Variants in IL1RAPL1 observed in about 807,000 individuals in gnomAD.
IL1RAPL1 encodes the protein interleukin 1 receptor accessory protein like 1, also known as interleukin-1 receptor accessory protein-like 1.
A neutral mutation model predicts 48.4 loss-of-function variants in IL1RAPL1; 3 were observed. The ratio of observed to expected loss-of-function variants is 0.06; its 90% CI spans 0.03 to 0.16. The LOEUF (loss-of-function observed/expected upper bound fraction) is 0.16. Among genes scored for constraint, IL1RAPL1 ranks in the 10% least tolerant of loss-of-function variants. The probability of loss-of-function intolerance (pLI) is 1.00; values close to 1 mark genes in which losing one functional copy is unlikely to be tolerated. For synonymous variants in IL1RAPL1, 185 were observed against 187.7 expected (o/e 0.99, Z 0.12); for missense variants, 349 against 530.6 (o/e 0.66, Z 3.36).
intron 2 of IL1RAPL1, among the ~76,000 whole-genome samples, chrX:29,250,129 A>G (rs748106269): frequency 8.9e-6 from 1 of 111,863 alleles, no homozygotes; most frequent in African/African-American, 3.2e-5. Flanking sequence ...ATAGCTGCTA[A>G]TTCAATTCTC....
chrX:29,000,521 A>G (rs1925826505), intron 2 of IL1RAPL1, among the ~76,000 whole-genome samples: 1 of 111,693 alleles, frequency 9.0e-6, no homozygotes, highest in African/African-American at 3.2e-5. Flanking sequence ...AATCAATAAC[A>G]ATTTGCTTAA....
chrX:29,888,226 A>AT lies in IL1RAPL1; in HGVS notation c.779-29223dup, dbSNP rs113492482. Among the ~76,000 whole-genome samples the AT allele has an allele frequency of 1.0e-2, 994 of 99,492 alleles. 21 individuals carry two copies. Among genetic ancestry groups the AT allele is most frequent in the Admixed American group, 0.05 (451 of 9,073 alleles). 86.4% of individuals were successfully genotyped at this position (99,492 alleles called of 115,157 possible). On this transcript the variant is annotated intron_variant, in intron 6 of 10. Coordinates refer to ENST00000378993, the MANE Select transcript of IL1RAPL1 (RefSeq NM_014271.4). ...TTGTGAATAACATTGCAACTGAGGA[A>AT]TTTTTTTTTTTTTTTGAGACAGAGT...
chrX:29,551,410 A>C (rs1481165511), intron 5 of IL1RAPL1, among the ~76,000 whole-genome samples: 2 of 112,222 alleles, frequency 1.8e-5, no homozygotes, highest in Admixed American at 1.9e-4. Flanking sequence ...ATATCATATG[A>C]TCTTTTAGGA....
At chrX:29,284,485 G>A (rs1477400958) in intron 3 of IL1RAPL1, among the ~76,000 whole-genome samples, 1 of 112,622 alleles carries the variant, frequency 8.9e-6, no homozygotes, top group East Asian at 2.8e-4. Flanking sequence ...GCTCACGCCT[G>A]TAATCCCAGA....
intron 2 of IL1RAPL1, among the ~76,000 whole-genome samples, chrX:29,257,925 T>C: frequency 8.9e-6 from 1 of 111,808 alleles, no homozygotes; most frequent in South Asian, 3.7e-4. Context: ...TTCAGTTGTT[T>C]TAATAGAACA....
At chrX:28,650,929 A>C (rs1323158214) in intron 1 of IL1RAPL1, among the ~76,000 whole-genome samples, 3 of 112,128 alleles carry the variant, frequency 2.7e-5, no homozygotes, top group African/African-American at 9.7e-5. Context: ...CTAATCTGAA[A>C]ATCCAAAAAT....
At chrX:29,124,697 C>T (rs1416538352) in intron 2 of IL1RAPL1, among the ~76,000 whole-genome samples, 1 of 111,946 alleles carries the variant, frequency 8.9e-6, no homozygotes, top group Non-Finnish European at 1.9e-5. Flanking sequence ...AGCCATGTGT[C>T]ACCTTTTTCT....
At chrX:29,815,394 ATATAGAAGTGC>A (rs1569177723) in intron 6 of IL1RAPL1, among the ~76,000 whole-genome samples, 1 of 111,473 alleles carries the variant, frequency 9.0e-6, no homozygotes, top group African/African-American at 3.2e-5. Context: ...TGCTATTGGT[ATATAGAAGTGC>A]TATTAATTTT....
intron 2 of IL1RAPL1, among the ~76,000 whole-genome samples, chrX:28,841,873 A>G (rs767713171): frequency 3.6e-5 from 4 of 111,262 alleles, no homozygotes; most frequent in Admixed American, 9.6e-5. Context: ...AAATTTAGCT[A>G]TATATTTTAA....
At chrX:28,708,743 G>T (rs768552874) in intron 1 of IL1RAPL1, among the ~76,000 whole-genome samples, 220 of 111,410 alleles carry the variant, frequency 2.0e-3, no homozygotes, top group African/African-American at 6.9e-3. Flanking sequence ...TTACATGTGG[G>T]AGTTAAAAAA....
chrX:29,181,606 A>G (rs1930145369), intron 2 of IL1RAPL1, among the ~76,000 whole-genome samples: 1 of 111,900 alleles, frequency 8.9e-6, no homozygotes, highest in African/African-American at 3.2e-5. Flanking sequence ...CCTACTATGT[A>G]CCACATACTC....
chrX:29,853,008 G>C, intron 6 of IL1RAPL1, among the ~76,000 whole-genome samples: 1 of 110,793 alleles, frequency 9.0e-6, no homozygotes, highest in East Asian at 2.8e-4. Context: ...GGACCTTCTA[G>C]GGCACATGGG....
intron 6 of IL1RAPL1, among the ~76,000 whole-genome samples, chrX:29,680,295 G>A (rs1926411055): frequency 9.0e-6 from 1 of 111,607 alleles, no homozygotes; most frequent in Admixed American, 9.6e-5. Context: ...TGGGTGAGTA[G>A]AGGAGGGCAT....
chrX:28,637,694 G>C (rs1490095562), intron 1 of IL1RAPL1, among the ~76,000 whole-genome samples: 2 of 112,187 alleles, frequency 1.8e-5, no homozygotes, highest in Non-Finnish European at 3.8e-5. Flanking sequence ...CAAAGACTAG[G>C]CTGATTGAAA....
At chrX:28,935,554 G>C (rs1266867418) in intron 2 of IL1RAPL1, among the ~76,000 whole-genome samples, 2 of 111,171 alleles carry the variant, frequency 1.8e-5, no homozygotes, top group South Asian at 3.8e-4. Context: ...ATGGTTTATG[G>C]GGAGAGAGTA....
intron 5 of IL1RAPL1, among the ~76,000 whole-genome samples, chrX:29,408,051 C>A (rs1307323567): frequency 1.8e-5 from 2 of 111,533 alleles, no homozygotes; most frequent in African/African-American, 3.3e-5. Context: ...ACACTATAAC[C>A]CTAGTCTTCT....
intron 2 of IL1RAPL1, among the ~76,000 whole-genome samples, chrX:28,920,234 G>A (rs184257435): frequency 1.8e-4 from 20 of 111,675 alleles, no homozygotes; most frequent in Admixed American, 1.1e-3. Context: ...GCTTAAATGA[G>A]ATTAAAATAC....
intron 2 of IL1RAPL1, among the ~76,000 whole-genome samples, chrX:28,928,708 A>G (rs1438468277): frequency 2.7e-5 from 3 of 112,138 alleles, no homozygotes; most frequent in Non-Finnish European, 3.8e-5. Context: ...TGACCTAACG[A>G]AAGTAGGAAC....
intron 6 of IL1RAPL1, among the ~76,000 whole-genome samples, chrX:29,915,402 T>C (rs1171469637): frequency 2.7e-5 from 3 of 111,997 alleles, no homozygotes; most frequent in Admixed American, 9.5e-5. Context: ...ATTAGAAATA[T>C]TAGAAGAGCA....
Sources: gnomAD v4.1 joint callset for allele counts (sites outside exome capture counted in the v4.1 genomes callset) on GRCh38, gnomAD v4.1.1 for gene constraint, MANE v1.5 for transcripts, NCBI Gene and HGNC (gene_info 2026-07-23, HGNC 2026-07-21) for gene names.